Variants in TENM4 observed in about 807,000 individuals in gnomAD.
TENM4 encodes teneurin transmembrane protein 4, also known as teneurin-4.
In TENM4, 82 loss-of-function variants were observed where a neutral mutation model predicts 243.3. The ratio of observed to expected loss-of-function variants is 0.34; its 90% CI spans 0.28 to 0.40. The LOEUF is 0.40. TENM4 is among the 10% of genes least tolerant of loss of function. The probability of loss-of-function intolerance (pLI) is 1.00; values close to 1 mark genes in which losing one functional copy is unlikely to be tolerated. For missense variants in TENM4, 3,138 were observed against 3,673.3 expected (o/e 0.85, Z 3.77); for synonymous variants, 1,412 against 1,456.3 (o/e 0.97, Z 0.69).
chr11:78,868,740 C>T (rs1462185667), intron 9 of TENM4, among the ~76,000 whole-genome samples: 1 of 152,126 alleles, frequency 6.6e-6, no homozygotes, highest in Non-Finnish European at 1.5e-5. Context: ...ACTTCCCTTC[C>T]AAAACTGGAA....
intron 1 of TENM4, among the ~76,000 whole-genome samples, chr11:79,392,720 C>T (rs1186044707): frequency 1.3e-5 from 2 of 152,192 alleles, no homozygotes; most frequent in African/African-American, 2.4e-5. Context: ...AGCTACAGAG[C>T]CCCTCTGAAT....
intron 4 of TENM4, among the ~76,000 whole-genome samples, chr11:79,110,443 G>A (rs1861479035): frequency 6.6e-6 from 1 of 152,192 alleles, no homozygotes; most frequent in Non-Finnish European, 1.5e-5. Flanking sequence ...GTGGACAGCT[G>A]CAGCCTGGTA....
chr11:79,209,454 C>A (rs1863913755), intron 3 of TENM4, among the ~76,000 whole-genome samples: 1 of 152,170 alleles, frequency 6.6e-6, no homozygotes, highest in Non-Finnish European at 1.5e-5. Context: ...CAATCTGTGG[C>A]ACCTTTTAAA....
intron 2 of TENM4, among the ~76,000 whole-genome samples, chr11:79,243,096 C>T (rs1855452201): frequency 2.0e-5 from 3 of 152,122 alleles, no homozygotes; most frequent in African/African-American, 7.2e-5. Flanking sequence ...TCTGGGGCTC[C>T]ACTTTTGTTC....
chr11:79,364,158 T>C (rs1857636235), intron 1 of TENM4, among the ~76,000 whole-genome samples: 2 of 152,186 alleles, frequency 1.3e-5, no homozygotes, highest in Non-Finnish European at 2.9e-5. Flanking sequence ...AAAGAAAAGA[T>C]GAGTAATCTT....
At chr11:79,334,449 C>T (rs1222773991) in intron 1 of TENM4, among the ~76,000 whole-genome samples, 2 of 152,204 alleles carry the variant, frequency 1.3e-5, no homozygotes, top group African/African-American at 4.8e-5. Flanking sequence ...CTCCCTGACC[C>T]ACCATTTCTC....
rs111876340 is a variant in TENM4 at position 79,265,119 on chromosome 11, C to T, written c.-265+32369G>A. On this transcript the variant is annotated intron_variant, in intron 2 of 33. Coordinates refer to ENST00000278550, the MANE Select transcript of TENM4 (RefSeq NM_001098816.3). ...AGCCTACAGCCCTCAGTTTGAGACCCCGGACAAACTGACAGATCTCAGTTC... is the reference window on the plus strand; with the variant it reads ...AGCCTACAGCCCTCAGTTTGAGACCTCGGACAAACTGACAGATCTCAGTTC... Among the ~76,000 whole-genome samples, 1,044 of 152,294 alleles carry T rather than the reference C, an allele frequency of 6.9e-3. 13 individuals carry two copies. The highest frequency in any genetic ancestry group is 0.024 in the African/African-American group (980 of 41,560).
In TENM4 at chr11:78,826,275, C is replaced by T. The variant is rs138812169; in HGVS notation, c.1682-11880G>A. ...GCTAATTTTTTGTATTTAATAGAGA[C>T]GGTGTTTCACCATGTTGGTCAGGCT... On this transcript the variant is annotated intron_variant, in intron 12 of 33. Coordinates refer to ENST00000278550, the MANE Select transcript of TENM4 (RefSeq NM_001098816.3). Among the ~76,000 whole-genome samples the T allele has an allele frequency of 7.5e-3, 1,132 of 151,892 alleles. 14 individuals carry two copies. Among genetic ancestry groups the T allele is most frequent in the African/African-American group, 0.026 (1,094 of 41,452 alleles).
intron 17 of TENM4, among the ~76,000 whole-genome samples, chr11:78,775,332 A>G (rs1856721205): frequency 6.6e-6 from 1 of 152,090 alleles, no homozygotes; most frequent in African/African-American, 2.4e-5. Context: ...AAATATCATC[A>G]CCAGACCTTT....
At chr11:79,153,300 T>G (rs552065877) in intron 3 of TENM4, among the ~76,000 whole-genome samples, 1 of 152,336 alleles carries the variant, frequency 6.6e-6, no homozygotes, top group South Asian at 2.1e-4. Flanking sequence ...TATTAGATGA[T>G]TCTTCTTGTG....
At chr11:79,041,503 A>AAC (rs1554996095) in intron 6 of TENM4, among the ~76,000 whole-genome samples, 3 of 151,708 alleles carry the variant, frequency 2.0e-5, no homozygotes, top group Admixed American at 6.6e-5. Context: ...TCAAAAAAAA[A>AAC]AAAAATCGAA....
intron 3 of TENM4, among the ~76,000 whole-genome samples, chr11:79,192,438 C>A (rs1863534159): frequency 6.6e-6 from 1 of 152,160 alleles, no homozygotes; most frequent in African/African-American, 2.4e-5. Context: ...ATTCTTCTGC[C>A]TTGGGATCCT....
chr11:79,177,755 C>T (rs145758941), intron 3 of TENM4, among the ~76,000 whole-genome samples: 400 of 152,122 alleles, frequency 2.6e-3, no homozygotes, highest in African/African-American at 9.2e-3. Context: ...GGGTGCCTGG[C>T]ACGTAGGAGG....
intron 6 of TENM4, among the ~76,000 whole-genome samples, chr11:78,949,450 T>C (rs574322393): frequency 3.3e-5 from 5 of 152,218 alleles, no homozygotes; most frequent in Non-Finnish European, 5.9e-5. Flanking sequence ...GAATCCCAGC[T>C]CTGCAACTTT....
At chr11:79,037,015 CAAAAAAAAAAA>C (rs369421583) in intron 6 of TENM4, among the ~76,000 whole-genome samples, 31 of 91,136 alleles carry the variant, frequency 3.4e-4, no homozygotes, top group Admixed American at 1.1e-3. Flanking sequence ...GACTCCATCT[CAAAAAAAAAAA>C]AAAAAAAAAA....
At chr11:79,343,060 C>A (rs535218789) in intron 1 of TENM4, among the ~76,000 whole-genome samples, 15 of 152,368 alleles carry the variant, frequency 9.8e-5, no homozygotes, top group African/African-American at 3.6e-4. Context: ...GAGGCACTGG[C>A]ACACGCAGCT....
At chr11:78,714,516 G>A (rs896837303) in intron 25 of TENM4, among the ~76,000 whole-genome samples, 9 of 148,478 alleles carry the variant, frequency 6.1e-5, no homozygotes, top group African/African-American at 1.5e-4. Context: ...AGGTCTCTCC[G>A]CCTGTAGCCT....
chr11:78,991,292 A>G (rs1858037751), intron 6 of TENM4, among the ~76,000 whole-genome samples: 1 of 75,328 alleles, frequency 1.3e-5, no homozygotes, highest in Non-Finnish European at 2.9e-5. Flanking sequence ...TGAACTTCAC[A>G]TCCCTTTTGA....
chr11:78,705,243 A>G (rs1204867081), intron 27 of TENM4, among the ~76,000 whole-genome samples: 1 of 152,216 alleles, frequency 6.6e-6, no homozygotes, highest in Admixed American at 6.5e-5. Context: ...TGATGAAAAG[A>G]TCGTTCCTTG....
Sources: gnomAD v4.1 joint callset for allele counts (sites outside exome capture counted in the v4.1 genomes callset) on GRCh38, gnomAD v4.1.1 for gene constraint, MANE v1.5 for transcripts, NCBI Gene and HGNC (gene_info 2026-07-23, HGNC 2026-07-21) for gene names.